Variants in CUX1 observed in about 807,000 individuals in gnomAD.
CUX1 encodes cut like homeobox 1.
CUX1 carries 31 observed loss-of-function variants against 158.8 expected under a neutral mutation model. The observed-to-expected ratio is 0.20, with a 90% CI of 0.15 to 0.26. The LOEUF is 0.26. CUX1 is among the 10% of genes least tolerant of loss of function. The pLI is 1.00. For synonymous variants in CUX1, 879 were observed against 862.1 expected (o/e 1.02, Z -0.34); for missense variants, 1,589 against 2,014.6 (o/e 0.79, Z 4.04).
At chr7:102,133,493 T>G (rs1371738463) in intron 8 of CUX1, among the ~76,000 whole-genome samples, 1 of 132,596 alleles carries the variant, frequency 7.5e-6, no homozygotes, top group East Asian at 2.0e-4. Context: ...TTTTTTTTTT[T>G]GAGATGGAGT....
rs1034797709 is a variant in CUX1 at position 102,128,061 on chromosome 7, G to A, written c.674+12788G>A. 5.3e-5 allele frequency among the ~76,000 whole-genome samples: 8 copies of A among 152,068 alleles called. No homozygotes were observed. The East Asian group carries it at 1.4e-3, about 26-fold the overall frequency. On this transcript the variant is annotated intron_variant, in intron 8 of 23. Transcript: ENST00000292535. ...CAGGGTTTCGCCAGTTGGCCAAGCTGGTCTGACCTCAGGTGATCGGCCCAC... is the reference window on the plus strand; with the variant it reads ...CAGGGTTTCGCCAGTTGGCCAAGCTAGTCTGACCTCAGGTGATCGGCCCAC...
chr7:102,015,532 G>A (rs1272808632), intron 2 of CUX1, among the ~76,000 whole-genome samples: 1 of 152,038 alleles, frequency 6.6e-6, no homozygotes, highest in African/African-American at 2.4e-5. Context: ...CCAGCCGAAA[G>A]GATACAGTTT....
Position 102,275,181 on chromosome 7 carries a change from C to T in CUX1, c.1451-66C>T. On this transcript the variant is annotated intron_variant, in intron 16 of 22. Coordinates refer to the CUX1 transcript ENST00000292538. ...AATCCCCCAGGGCTGGGGGACCCACCCCAAAGGGCCGCCTGCTGGGTTCCA... is the reference window on the plus strand; with the variant it reads ...AATCCCCCAGGGCTGGGGGACCCACTCCAAAGGGCCGCCTGCTGGGTTCCA... 3 of 1,263,604 alleles carry T rather than the reference C, an allele frequency of 2.4e-6. No homozygotes were observed. The South Asian group carries it at 4.1e-5, about 17-fold the overall frequency. 78.3% of individuals were successfully genotyped at this position (1,263,604 alleles called of 1,614,324 possible). A position where few individuals can be genotyped will look rare whatever the true frequency, so the allele number is the denominator to read the frequency against.
intron 1 of CUX1, among the ~76,000 whole-genome samples, chr7:101,837,756 G>T (rs561159806): frequency 2.7e-5 from 4 of 147,288 alleles, no homozygotes; most frequent in Admixed American, 6.9e-5. Context: ...ACTTGAAGCC[G>T]GGAGGTCGAA....
At chr7:101,938,019 A>G (rs1051805415) in intron 2 of CUX1, among the ~76,000 whole-genome samples, 1 of 152,208 alleles carries the variant, frequency 6.6e-6, no homozygotes, top group African/African-American at 2.4e-5. Flanking sequence ...GAATAATTGA[A>G]TTACAGATGA....
At chr7:101,880,579 T>C (rs1799611092) in intron 1 of CUX1, among the ~76,000 whole-genome samples, 1 of 152,246 alleles carries the variant, frequency 6.6e-6, no homozygotes, top group Admixed American at 6.5e-5. Context: ...GGGAGCATTT[T>C]AAAAGGCAGA....
intron 5 of CUX1, among the ~76,000 whole-genome samples, chr7:102,102,908 C>A (rs1829934178): frequency 6.7e-6 from 1 of 150,066 alleles, no homozygotes; most frequent in African/African-American, 2.5e-5. Context: ...CACAAAGCAT[C>A]CAGCATGCGG....
rs988686026 is a variant in CUX1 at position 101,846,608 on chromosome 7, G to A, written c.30+28939G>A. Among the ~76,000 whole-genome samples, 7 of 152,084 alleles carry A rather than the reference G, an allele frequency of 4.6e-5. No individual in the cohort carries two copies. In the East Asian group the frequency reaches 5.8e-4, roughly 13 times the overall value. On this transcript the variant is annotated intron_variant, in intron 1 of 23. Coordinates refer to ENST00000292535, the MANE Select transcript of CUX1 (RefSeq NM_181552.4). The stretch of plus-strand genomic sequence containing the variant: ...TTCCCAAAGTGCTAGGATTGCCAGC[G>A]GGAGCCACCCTACCCAGCCGAACTC...
At chr7:102,176,066 G>C (rs1792288069) in intron 10 of CUX1, among the ~76,000 whole-genome samples, 1 of 152,200 alleles carries the variant, frequency 6.6e-6, no homozygotes, top group South Asian at 2.1e-4. Context: ...GCCCCCCAGG[G>C]CCACGCGCAC....
intron 11 of CUX1, among the ~76,000 whole-genome samples, chr7:102,184,782 A>G (rs1793467996): frequency 6.6e-6 from 1 of 152,106 alleles, no homozygotes; most frequent in Admixed American, 6.6e-5. Context: ...AAGTAGCTGG[A>G]ACTACAGGTG....
At chr7:102,065,376 A>G (rs1825429092) in intron 3 of CUX1, among the ~76,000 whole-genome samples, 2 of 151,970 alleles carry the variant, frequency 1.3e-5, no homozygotes, top group Admixed American at 6.6e-5. Flanking sequence ...CACCATGCCC[A>G]GCTAATTTTT....
exon 17 of CUX1, chr7:102,275,307 T>C: frequency 6.2e-7 from 1 of 1,612,748 alleles, no homozygotes; most frequent in Non-Finnish European, 8.5e-7. Flanking sequence ...CTGCTTTCCA[T>C]CATCTCCAGC....
At chr7:101,898,816 C>T (rs537205745) in intron 1 of CUX1, among the ~76,000 whole-genome samples, 14 of 152,302 alleles carry the variant, frequency 9.2e-5, no homozygotes, top group Middle Eastern at 6.8e-3. Context: ...GTCTCGAACT[C>T]CTGACCACAG....
At chr7:102,223,457 G>A (rs953833383) in intron 20 of CUX1, among the ~76,000 whole-genome samples, 9 of 152,008 alleles carry the variant, frequency 5.9e-5, no homozygotes, top group Non-Finnish European at 1.5e-5. Context: ...GGCTCACCCT[G>A]TCAGGGTGGC....
chr7:101,968,723 T>G (rs1262927019), intron 2 of CUX1, among the ~76,000 whole-genome samples: 1 of 152,132 alleles, frequency 6.6e-6, no homozygotes, highest in Non-Finnish European at 1.5e-5. Flanking sequence ...ATGCCCGGCC[T>G]GAAGAGCCTA....
chr7:102,063,190 A>C (rs972473748), intron 3 of CUX1, among the ~76,000 whole-genome samples: 6 of 151,858 alleles, frequency 4.0e-5, no homozygotes, highest in Non-Finnish European at 7.4e-5. Context: ...TAACCGTGGA[A>C]TCCAGTAGCG....
At chr7:101,960,018 C>G (rs1443639265) in intron 2 of CUX1, 1 of 152,158 alleles carries the variant, frequency 6.6e-6, no homozygotes, top group Admixed American at 6.6e-5. Context: ...AAGAATCGCA[C>G]GGTCCCATGA....
chr7:102,214,396 C>T (rs1287367462), intron 20 of CUX1, among the ~76,000 whole-genome samples: 1 of 150,552 alleles, frequency 6.6e-6, no homozygotes, highest in Non-Finnish European at 1.5e-5. Context: ...TGGTGGTGTG[C>T]GCCTGTAGTC....
At chr7:101,927,768 G>A (rs975324832) in intron 2 of CUX1, among the ~76,000 whole-genome samples, 2 of 152,150 alleles carry the variant, frequency 1.3e-5, no homozygotes, top group Admixed American at 1.3e-4. Context: ...GTAATTCTTC[G>A]GTAATTAATT....
Sources: allele counts gnomAD v4.1 joint callset (sites outside exome capture counted in the v4.1 genomes callset), GRCh38; gene constraint gnomAD v4.1.1; transcripts MANE v1.5; gene names NCBI Gene and HGNC (gene_info 2026-07-23, HGNC 2026-07-21).